Variants in STAB2 observed in about 807,000 individuals in gnomAD.
STAB2 encodes the protein stabilin 2.
In STAB2, 288 loss-of-function variants were observed where a neutral mutation model predicts 338.1. That is an observed-to-expected ratio of 0.85 (90% CI 0.77 to 0.94). The LOEUF is 0.94. STAB2 is among the 40% of genes least tolerant of loss of function. STAB2 has a pLI of 0.00. For missense variants in STAB2, 3,141 were observed against 3,210.1 expected, an observed-to-expected ratio of 0.98 and a Z score of 0.52; for synonymous variants, 1,202 against 1,193.3, an observed-to-expected ratio of 1.01 and a Z score of -0.15.
chr12:103,762,374 G>A lies in STAB2; in HGVS notation c.7460G>A (p.Arg2487Gln), dbSNP rs372811632. ...LAAYSYFRIN[R>Q]RTIGFQHFES... ...GCTTACTCCTACTTTCGGATAAACC[G>A]GAGAACAATCGGCTTCCAGCATTTT... Residue 2487 changes from arginine to glutamine, a missense_variant, in exon 67 of 69, where the codon CGG becomes CAG. Coordinates refer to ENST00000388887, the MANE Select transcript of STAB2 (RefSeq NM_017564.10). The A allele has an allele frequency of 2.0e-4, 327 of 1,614,194 alleles. 3 individuals are homozygous for A. In the South Asian group the frequency reaches 3.0e-3, roughly 15 times the overall value.
intron 1 of STAB2, among the ~76,000 whole-genome samples, chr12:103,588,625 GAGAC>G (rs1199337900): frequency 2.6e-5 from 4 of 152,150 alleles, no homozygotes; most frequent in Non-Finnish European, 4.4e-5. Context: ...AATACTGTAT[GAGAC>G]AGACAATGAG....
At chr12:103,743,268 C>T (rs927697799) in intron 56 of STAB2, among the ~76,000 whole-genome samples, 65 of 152,024 alleles carry the variant, frequency 4.3e-4, no homozygotes, top group Admixed American at 3.8e-3. Context: ...GTGATCCACC[C>T]GCCTCAGCCT....
chr12:103,666,383 A>T, intron 19 of STAB2, 30 bp downstream of exon 19: 1 of 1,612,988 alleles, frequency 6.2e-7, no homozygotes, highest in South Asian at 1.1e-5. Context: ...GAAAGCACAG[A>T]TCACCCAAGC....
chr12:103,615,222 TCAGA>T (rs141519990), intron 3 of STAB2, among the ~76,000 whole-genome samples: 3,853 of 152,142 alleles, frequency 0.025, 70 homozygotes, highest in African/African-American at 0.058. Context: ...AAGGGAGATG[TCAGA>T]CAGGGCTAGA....
chr12:103,618,489 T>A (rs1017679810), intron 3 of STAB2, among the ~76,000 whole-genome samples: 1 of 152,220 alleles, frequency 6.6e-6, no homozygotes, highest in Admixed American at 6.5e-5. Flanking sequence ...CTAAGACAAC[T>A]GCATTTTTAT....
intron 46 of STAB2, among the ~76,000 whole-genome samples, 159 bp downstream of exon 46, chr12:103,726,322 C>T (rs952905333): frequency 6.6e-5 from 10 of 152,130 alleles, no homozygotes; most frequent in Non-Finnish European, 1.3e-4. Context: ...AACCCCGTCT[C>T]TTTTAAAAAT....
rs1875527622 is a variant in STAB2 at position 103,669,547 on chromosome 12, A to C, written c.2179A>C (p.Lys727Gln). Residue 727 changes from lysine to glutamine, a missense_variant, in exon 21 of 69, where the codon AAG becomes CAG. Physicochemically the swap from Lys to Gln is moderately conservative, Grantham distance 53. Transcript: ENST00000388887. ...CACGCATTTTGTTTTTCAGATTCCA[A>C]AGTGCTGCAAAGGCTTCTATGGACC... ...RYCNATVKIP[K>Q]CCKGFYGPDC... 1.2e-6 allele frequency: 2 copies of C among 1,614,174 alleles called. No homozygotes were observed. The highest frequency in any genetic ancestry group is 1.7e-6 in the Non-Finnish European group (2 of 1,180,006).
intron 44 of STAB2, among the ~76,000 whole-genome samples, chr12:103,724,605 G>A (rs142898673): frequency 6.6e-6 from 1 of 152,290 alleles, no homozygotes; most frequent in African/African-American, 2.4e-5. Context: ...CCTTCTCTCT[G>A]ATAATGGTTA....
In STAB2 at chr12:103,638,087, A is replaced by C; in HGVS notation, c.781A>C (p.Ser261Arg). Residue 261 changes from serine (S) to arginine (R), a missense_variant, in exon 8 of 69, where the codon AGT becomes CGT. Coordinates refer to ENST00000388887, the MANE Select transcript of STAB2 (RefSeq NM_017564.10). ...HCTYLGPNRH[S>R]CTCQEGYRGD... ...TACGTACCTGGGACCAAATCGGCACAGTTGTACATGCCAAGAAGGCTACCG... is the reference window on the plus strand; with the variant it reads ...TACGTACCTGGGACCAAATCGGCACCGTTGTACATGCCAAGAAGGCTACCG... 6.2e-7 allele frequency: 1 copy of C among 1,614,196 alleles called. No homozygotes were observed. The highest frequency in any genetic ancestry group is 8.5e-7 in the Non-Finnish European group (1 of 1,180,032).
chr12:103,692,361 A>G (rs958348772), intron 30 of STAB2, among the ~76,000 whole-genome samples: 1 of 150,822 alleles, frequency 6.6e-6, no homozygotes, highest in African/African-American at 2.4e-5. Flanking sequence ...CTGAGGTACT[A>G]GGGGTTAGGA....
chr12:103,650,591 A>T lies in STAB2; in HGVS notation c.1257+13A>T, dbSNP rs1168284540. The T allele has an allele frequency of 6.2e-7, 1 of 1,610,042 alleles. No homozygotes were observed. The highest frequency in any genetic ancestry group is 8.5e-7 in the Non-Finnish European group (1 of 1,176,624). On this transcript the variant is annotated intron_variant, in intron 11 of 68. Transcript: ENST00000388887. ...GAAAGGATTCAATGTGAGTATTTAA[A>T]ATGACCCTACACCAAGGGGCTAATA...
chr12:103,604,990 T>G (rs1283996039), intron 3 of STAB2, among the ~76,000 whole-genome samples: 1 of 151,810 alleles, frequency 6.6e-6, no homozygotes. Flanking sequence ...TGCAATAAAT[T>G]TCCTTGTAAG....
intron 3 of STAB2, among the ~76,000 whole-genome samples, chr12:103,613,942 A>T (rs562671246): frequency 6.6e-6 from 1 of 152,092 alleles, no homozygotes; most frequent in Non-Finnish European, 1.5e-5. Context: ...TATTTTGAAC[A>T]TTGTATTTTC....
chr12:103,740,620 C>G lies in STAB2; in HGVS notation c.5755-10C>G, dbSNP rs543998439. ...GGTAAGTGAAGGGATGGTCCACTCT[C>G]TTCCCTTAGGGTGTGAAGCAGAAGT... On this transcript the variant is annotated splice_polypyrimidine_tract_variant and intron_variant, in intron 54 of 68. Transcript: ENST00000388887. 3.7e-6 allele frequency: 6 copies of G among 1,611,036 alleles called. No homozygotes were observed. The African/African-American group carries it at 5.3e-5, about 14-fold the overall frequency.
intron 23 of STAB2, 77 bp from the exon 24 acceptor site, chr12:103,675,851 T>C (rs1876292849): frequency 4.2e-6 from 5 of 1,183,780 alleles, no homozygotes; most frequent in Admixed American, 4.3e-5. Context: ...AGGAACTGGC[T>C]CATCTCTAGC....
intron 41 of STAB2, among the ~76,000 whole-genome samples, chr12:103,713,248 G>A (rs1880027544): frequency 6.6e-6 from 1 of 152,184 alleles, no homozygotes; most frequent in Non-Finnish European, 1.5e-5. Flanking sequence ...GGTGTCTGGT[G>A]CTAGAAAAAA....
chr12:103,674,569 C>T (rs1006485463), intron 23 of STAB2, among the ~76,000 whole-genome samples: 1 of 152,196 alleles, frequency 6.6e-6, no homozygotes, highest in East Asian at 1.9e-4. Flanking sequence ...TTAATAATTG[C>T]TCCCCTGTTA....
chr12:103,700,583 A>G (rs1322060049), intron 34 of STAB2, among the ~76,000 whole-genome samples: 2 of 152,214 alleles, frequency 1.3e-5, no homozygotes, highest in Admixed American at 6.5e-5. Flanking sequence ...GCCCTTTTAA[A>G]TATACTTTTT....
Position 103,731,577 on chromosome 12 carries a change from A to C in STAB2, c.5225A>C (p.Gln1742Pro), listed in dbSNP as rs1418773630. The C allele has an allele frequency of 3.7e-6, 6 of 1,613,800 alleles. No homozygotes were observed. Among genetic ancestry groups the C allele is most frequent in the Non-Finnish European group, 5.1e-6 (6 of 1,179,952 alleles). ...TPKDNSGRIL[Q>P]NLTTLATNNG... is the part of the protein sequence containing the mutation. ...TGCCCATTCTTATTATCTTTGCAGC[A>C]AAATCTTACGACTTTGGCAACAAAC... Residue 1742 changes from glutamine (Q) to proline (P), a missense_variant and splice_region_variant, in exon 50 of 69, where the codon CAA (glutamine) becomes CCA (proline). Transcript: ENST00000388887.
Sources: allele counts gnomAD v4.1 joint callset (sites outside exome capture counted in the v4.1 genomes callset), GRCh38; gene constraint gnomAD v4.1.1; transcripts MANE v1.5; gene names NCBI Gene and HGNC (gene_info 2026-07-23, HGNC 2026-07-21).